Variants in GXYLT2 observed in about 807,000 individuals in gnomAD.
GXYLT2 encodes glycosyltransferase 8 domain containing 4.
In GXYLT2, 53 loss-of-function variants were observed where a neutral mutation model predicts 45.8. That is an observed-to-expected ratio of 1.16 (90% CI 0.93 to 1.46). The LOEUF is 1.46. Among genes scored for constraint, GXYLT2 ranks in the 40% most tolerant of loss-of-function variants. The pLI is 0.00. For synonymous variants in GXYLT2, 219 were observed against 214.2 expected (o/e 1.02, Z -0.19); for missense variants, 551 against 544.4 (o/e 1.01, Z -0.12).
At chr3:72,941,231 T>G (rs1374255621) in intron 3 of GXYLT2, among the ~76,000 whole-genome samples, 1 of 152,214 alleles carries the variant, frequency 6.6e-6, no homozygotes, top group Admixed American at 6.5e-5. Context: ...TTTACTCATC[T>G]CCCTGCTACA....
chr3:72,911,976 CATGT>C (rs1709633662), intron 2 of GXYLT2, among the ~76,000 whole-genome samples: 3 of 118,218 alleles, frequency 2.5e-5, no homozygotes, highest in South Asian at 5.4e-4. Flanking sequence ...TGTGTGTGTG[CATGT>C]GTGTGTGTGT....
chr3:72,963,167 A>AAAAAT (rs1710799641), intron 5 of GXYLT2, among the ~76,000 whole-genome samples: 2 of 151,952 alleles, frequency 1.3e-5, no homozygotes, highest in South Asian at 4.2e-4. Context: ...AAAAATACAT[A>AAAAAT]AAAAATAAAA....
At chr3:72,927,287 C>A (rs1305193107) in intron 3 of GXYLT2, 3 of 152,132 alleles carry the variant, frequency 2.0e-5, no homozygotes, top group Non-Finnish European at 2.9e-5. Context: ...AGTTTTCTGA[C>A]TCCATATTTC....
At chr3:72,964,535 C>A (rs1036770410) in intron 5 of GXYLT2, among the ~76,000 whole-genome samples, 2 of 152,016 alleles carry the variant, frequency 1.3e-5, no homozygotes, top group Admixed American at 1.3e-4. Context: ...GTTGGCCAGG[C>A]TGGTCTCGAA....
At chr3:72,955,992 C>T (rs1175428863) in intron 4 of GXYLT2, among the ~76,000 whole-genome samples, 3 of 152,154 alleles carry the variant, frequency 2.0e-5, no homozygotes, top group Non-Finnish European at 2.9e-5. Context: ...GCAGGAGAAT[C>T]GTGTGAACCC....
intron 1 of GXYLT2, among the ~76,000 whole-genome samples, chr3:72,897,624 G>T (rs1709319374): frequency 6.6e-6 from 1 of 152,166 alleles, no homozygotes; most frequent in African/African-American, 2.4e-5. Context: ...TTACCAAAAA[G>T]TCCTAAAAAT....
chr3:72,915,595 C>G (rs963257353), intron 2 of GXYLT2, among the ~76,000 whole-genome samples: 1 of 151,740 alleles, frequency 6.6e-6, no homozygotes, highest in East Asian at 1.9e-4. Context: ...CCAGCGCTTT[C>G]GGAGGCCAAG....
intron 3 of GXYLT2, among the ~76,000 whole-genome samples, chr3:72,953,542 G>A (rs567508764): frequency 1.2e-4 from 18 of 152,010 alleles, no homozygotes; most frequent in Non-Finnish European, 2.2e-4. Flanking sequence ...TGCCTGCCTC[G>A]GCCTCCCAAA....
At position 72,975,215 on chromosome 3, in the gene GXYLT2, C is replaced by A; in HGVS notation, c.*56C>A. 7.7e-7 allele frequency: 1 copy of A among 1,303,978 alleles called. No individual in the cohort carries two copies. Among genetic ancestry groups the A allele is most frequent in the Non-Finnish European group, 1.1e-6 (1 of 931,886 alleles). 80.8% of individuals were successfully genotyped at this position (1,303,978 alleles called of 1,614,324 possible). On this transcript the variant is annotated 3_prime_UTR_variant, in exon 7 of 7. Coordinates refer to ENST00000389617, the MANE Select transcript of GXYLT2 (RefSeq NM_001080393.2). ...GTCTTGTGACCAAGGAAATACTAAT[C>A]TCTAAGCTGCCTGGGTCTTTTTGTG...
At chr3:72,923,769 A>G (rs1308368167) in intron 3 of GXYLT2, among the ~76,000 whole-genome samples, 1 of 152,162 alleles carries the variant, frequency 6.6e-6, no homozygotes, top group Non-Finnish European at 1.5e-5. Context: ...CTGGTCTGAG[A>G]GAGATCATAG....
chr3:72,913,857 C>T (rs537899289), intron 2 of GXYLT2, among the ~76,000 whole-genome samples: 6 of 152,210 alleles, frequency 3.9e-5, no homozygotes, highest in Non-Finnish European at 7.4e-5. Context: ...TCATCTGTGT[C>T]GTGGGGCAAA....
At chr3:72,937,607 G>T (rs932277478) in intron 3 of GXYLT2, among the ~76,000 whole-genome samples, 1 of 152,154 alleles carries the variant, frequency 6.6e-6, no homozygotes, top group Non-Finnish European at 1.5e-5. Context: ...TTGGAGTCTG[G>T]ATTGAAGCCC....
intron 5 of GXYLT2, among the ~76,000 whole-genome samples, chr3:72,962,906 A>G (rs753685634): frequency 2.0e-5 from 3 of 152,046 alleles, no homozygotes; most frequent in Non-Finnish European, 4.4e-5. Context: ...GCATTCTGAA[A>G]TAAGGAAAAA....
At chr3:72,889,419 C>G (rs1478073739) in intron 1 of GXYLT2, among the ~76,000 whole-genome samples, 1 of 152,118 alleles carries the variant, frequency 6.6e-6, no homozygotes, top group East Asian at 1.9e-4. Flanking sequence ...TTATTTTTGA[C>G]CATAATGACT....
chr3:72,894,734 A>G (rs1166513635), intron 1 of GXYLT2, among the ~76,000 whole-genome samples: 1 of 152,232 alleles, frequency 6.6e-6, no homozygotes, highest in African/African-American at 2.4e-5. Flanking sequence ...TTTGGGTTGC[A>G]TGAAGATTGC....
intron 5 of GXYLT2, among the ~76,000 whole-genome samples, chr3:72,966,458 C>CTTTTTT (rs10662974): frequency 3.2e-4 from 33 of 101,612 alleles, no homozygotes; most frequent in African/African-American, 4.4e-4. Flanking sequence ...TTGTGTGTAT[C>CTTTTTT]TTTTTTTTTT....
intron 3 of GXYLT2, among the ~76,000 whole-genome samples, chr3:72,943,428 G>A (rs1037796206): frequency 3.3e-5 from 5 of 150,336 alleles, no homozygotes; most frequent in Non-Finnish European, 7.4e-5. Flanking sequence ...CCAGGCTGGA[G>A]TGCAGTGGCA....
At chr3:72,964,410 C>T (rs1158617639) in intron 5 of GXYLT2, among the ~76,000 whole-genome samples, 1 of 152,020 alleles carries the variant, frequency 6.6e-6, no homozygotes, top group African/African-American at 2.4e-5. Flanking sequence ...ACAACCTCCA[C>T]CTCCCAGGTT....
At chr3:72,922,598 C>T (rs9876619) in intron 3 of GXYLT2, among the ~76,000 whole-genome samples, 27,898 of 152,070 alleles carry the variant, frequency 0.18, 3,946 homozygotes, top group African/African-American at 0.4. Flanking sequence ...TTTACTGGCT[C>T]CTGTGAACCT....
Sources: allele counts gnomAD v4.1 joint callset (sites outside exome capture counted in the v4.1 genomes callset), GRCh38; gene constraint gnomAD v4.1.1; transcripts MANE v1.5; gene names NCBI Gene and HGNC (gene_info 2026-07-23, HGNC 2026-07-21).